Variants in CADPS observed in about 807,000 individuals in gnomAD.
CADPS encodes calcium-dependent secretion activator 1.
CADPS carries 57 observed loss-of-function variants against 167.3 expected under a neutral mutation model. The observed-to-expected ratio is 0.34, with a 90% CI of 0.28 to 0.42. The LOEUF is 0.42. Ranked by LOEUF, CADPS falls within the 20% of genes least tolerant of loss-of-function variation. CADPS has a pLI of 1.00. For synonymous variants in CADPS, 676 were observed against 635.3 expected, an observed-to-expected ratio of 1.06 and a Z score of -0.96; for missense variants, 1,414 against 1,738.1, an observed-to-expected ratio of 0.81 and a Z score of 3.32.
chr3:62,555,482 C>T (rs1003702370), intron 10 of CADPS, among the ~76,000 whole-genome samples: 9 of 152,188 alleles, frequency 5.9e-5, no homozygotes, highest in East Asian at 1.9e-4. Flanking sequence ...GGGTTAGACC[C>T]GGAGTCCCAG....
chr3:62,517,033 C>T (rs1420740313), intron 14 of CADPS, among the ~76,000 whole-genome samples: 1 of 152,006 alleles, frequency 6.6e-6, no homozygotes, highest in Non-Finnish European at 1.5e-5. Flanking sequence ...ACTTAAGTCC[C>T]CAAAAGATCA....
chr3:62,668,742 A>T (rs1014443548), intron 3 of CADPS, among the ~76,000 whole-genome samples: 6 of 152,130 alleles, frequency 3.9e-5, no homozygotes, highest in African/African-American at 1.2e-4. Context: ...GATCCCTGGC[A>T]CCTACTTACG....
At chr3:62,547,268 A>G (rs2076595941) in intron 11 of CADPS, among the ~76,000 whole-genome samples, 1 of 152,200 alleles carries the variant, frequency 6.6e-6, no homozygotes, top group African/African-American at 2.4e-5. Context: ...TTACATGGCC[A>G]CTGTGTACAG....
At chr3:62,794,778 TA>T (rs71126555) in intron 1 of CADPS, among the ~76,000 whole-genome samples, 11,331 of 99,726 alleles carry the variant, frequency 0.11, 535 homozygotes, top group East Asian at 0.18. Flanking sequence ...CGCAAGGTGG[TA>T]AAAAAAAAAA....
chr3:62,599,501 T>C (rs997306077), intron 6 of CADPS, among the ~76,000 whole-genome samples: 3 of 115,598 alleles, frequency 2.6e-5, no homozygotes, highest in East Asian at 2.2e-4. Flanking sequence ...ATATATATTT[T>C]ATATATATTA....
At chr3:62,772,602 T>C (rs1297095464) in intron 1 of CADPS, among the ~76,000 whole-genome samples, 2 of 152,226 alleles carry the variant, frequency 1.3e-5, no homozygotes, top group East Asian at 1.9e-4. Flanking sequence ...CTCTGGTTTT[T>C]TCATTATGTG....
At chr3:62,805,778 C>A (rs1437112428) in intron 1 of CADPS, among the ~76,000 whole-genome samples, 1 of 152,142 alleles carries the variant, frequency 6.6e-6, no homozygotes, top group Non-Finnish European at 1.5e-5. Context: ...TTGAGCTCAG[C>A]TAATGAGAGG....
intron 9 of CADPS, among the ~76,000 whole-genome samples, chr3:62,565,392 G>C (rs1372527043): frequency 6.6e-6 from 1 of 152,196 alleles, no homozygotes; most frequent in Non-Finnish European, 1.5e-5. Context: ...CATCTGAAGG[G>C]AATGAGACCC....
At chr3:62,677,620 G>A (rs1428036803) in intron 3 of CADPS, among the ~76,000 whole-genome samples, 1 of 152,098 alleles carries the variant, frequency 6.6e-6, no homozygotes, top group Non-Finnish European at 1.5e-5. Context: ...CATTGGTGCT[G>A]AGGCTGAGAA....
At chr3:62,407,647 CAG>C (rs2048167310) in intron 28 of CADPS, among the ~76,000 whole-genome samples, 1 of 152,192 alleles carries the variant, frequency 6.6e-6, no homozygotes, top group Non-Finnish European at 1.5e-5. Flanking sequence ...GAGGGCCTAG[CAG>C]AGTGAGTGTC....
chr3:62,784,476 A>C (rs987561838), intron 1 of CADPS, among the ~76,000 whole-genome samples: 7 of 152,268 alleles, frequency 4.6e-5, no homozygotes, highest in African/African-American at 1.4e-4. Flanking sequence ...CTCCCAATAA[A>C]ATAACAGATG....
At chr3:62,637,662 T>C (rs1350231260) in intron 6 of CADPS, among the ~76,000 whole-genome samples, 1 of 152,226 alleles carries the variant, frequency 6.6e-6, no homozygotes, top group Non-Finnish European at 1.5e-5. Flanking sequence ...TTTTGTTGAA[T>C]ATTCAATGCT....
chr3:62,509,803 T>C (rs1043691871), intron 17 of CADPS, among the ~76,000 whole-genome samples: 3 of 152,144 alleles, frequency 2.0e-5, no homozygotes, highest in Non-Finnish European at 4.4e-5. Flanking sequence ...CTTGACCTTA[T>C]CCACTGAATG....
intron 27 of CADPS, among the ~76,000 whole-genome samples, chr3:62,444,859 G>T (rs1446126859): frequency 2.0e-5 from 3 of 152,048 alleles, no homozygotes; most frequent in Admixed American, 6.6e-5. Flanking sequence ...TTGAACAAGG[G>T]GGGTACTTAA....
chr3:62,629,431 G>C (rs2064820456), intron 6 of CADPS, among the ~76,000 whole-genome samples: 1 of 152,162 alleles, frequency 6.6e-6, no homozygotes, highest in African/African-American at 2.4e-5. Context: ...ATCAATGTTG[G>C]AGCATGTATG....
intron 4 of CADPS, among the ~76,000 whole-genome samples, chr3:62,659,089 A>G (rs2072497350): frequency 6.6e-6 from 1 of 152,134 alleles, no homozygotes; most frequent in African/African-American, 2.4e-5. Flanking sequence ...TGCTCTACCC[A>G]TCTTTTAATT....
At chr3:62,725,654 C>T (rs1418388006) in intron 3 of CADPS, among the ~76,000 whole-genome samples, 1 of 149,892 alleles carries the variant, frequency 6.7e-6, no homozygotes, top group African/African-American at 2.5e-5. Flanking sequence ...ATACAGGAAA[C>T]ACCGGTACAT....
intron 1 of CADPS, among the ~76,000 whole-genome samples, chr3:62,829,572 T>C (rs925556244): frequency 2.0e-5 from 3 of 152,130 alleles, no homozygotes; most frequent in Admixed American, 6.6e-5. Flanking sequence ...AGCATTTGTC[T>C]ACCTATTCAT....
intron 26 of CADPS, among the ~76,000 whole-genome samples, chr3:62,451,446 G>T (rs1304197038): frequency 6.6e-6 from 1 of 151,734 alleles, no homozygotes; most frequent in African/African-American, 2.4e-5. Context: ...AGGACCTCAG[G>T]GTTTGATACT....
Sources: allele counts gnomAD v4.1 joint callset (sites outside exome capture counted in the v4.1 genomes callset), GRCh38; gene constraint gnomAD v4.1.1; transcripts MANE v1.5; gene names NCBI Gene and HGNC (gene_info 2026-07-23, HGNC 2026-07-21).